CREB3L2: variants seen among roughly 807,000 people sequenced by gnomAD.
CREB3L2 encodes cAMP responsive element binding protein 3 like 2.
A neutral mutation model predicts 57.2 loss-of-function variants in CREB3L2; 23 were observed. The observed-to-expected ratio is 0.40, with a 90% CI of 0.29 to 0.57. CREB3L2 has a LOEUF of 0.57. Among genes scored for constraint, CREB3L2 ranks in the 20% least tolerant of loss-of-function variants. The probability of loss-of-function intolerance (pLI) is 0.42; values close to 1 mark genes in which losing one functional copy is unlikely to be tolerated. For synonymous variants in CREB3L2, 268 were observed against 265.1 expected (o/e 1.01, Z -0.11); for missense variants, 628 against 634.7 (o/e 0.99, Z 0.11).
intron 1 of CREB3L2, among the ~76,000 whole-genome samples, chr7:137,990,485 A>G (rs1238117016): frequency 2.0e-5 from 3 of 152,222 alleles, no homozygotes; most frequent in Non-Finnish European, 2.9e-5. Flanking sequence ...GGAAAGCCAC[A>G]GGTCAAGAAT....
At chr7:137,943,172 A>G (rs1800906216) in intron 1 of CREB3L2, among the ~76,000 whole-genome samples, 1 of 152,186 alleles carries the variant, frequency 6.6e-6, no homozygotes, top group Non-Finnish European at 1.5e-5. Context: ...GGGACCAGGC[A>G]GTCTCCCAGG....
chr7:137,885,280 A>T, intron 9 of CREB3L2, 123 bp downstream of exon 9: 1 of 1,163,242 alleles, frequency 8.6e-7, no homozygotes, highest in African/African-American at 1.5e-5. Context: ...GAACAGCCTC[A>T]GAGTGGAGTT....
chr7:137,973,024 G>C (rs967074868), intron 1 of CREB3L2, among the ~76,000 whole-genome samples: 2 of 151,506 alleles, frequency 1.3e-5, no homozygotes, highest in Non-Finnish European at 1.5e-5. Context: ...ATTTACACAT[G>C]AGAGAACACA....
intron 1 of CREB3L2, among the ~76,000 whole-genome samples, chr7:137,975,729 A>T (rs1801595779): frequency 6.6e-6 from 1 of 152,258 alleles, no homozygotes; most frequent in African/African-American, 2.4e-5. Context: ...TAAATTTAAA[A>T]ATTAAAAAAG....
chr7:137,961,550 G>A (rs991932032), intron 1 of CREB3L2, among the ~76,000 whole-genome samples: 9 of 152,152 alleles, frequency 5.9e-5, no homozygotes, highest in South Asian at 2.1e-4. Flanking sequence ...GACAGAATGC[G>A]TCTTCTGTGG....
intron 1 of CREB3L2, among the ~76,000 whole-genome samples, chr7:137,976,938 G>A (rs531681229): frequency 2.4e-4 from 37 of 152,262 alleles, no homozygotes; most frequent in South Asian, 2.3e-3. Flanking sequence ...CTTCTTGCAC[G>A]TACACACCCA....
chr7:137,995,609 A>G (rs1486372451), intron 1 of CREB3L2, among the ~76,000 whole-genome samples: 1 of 152,148 alleles, frequency 6.6e-6, no homozygotes, highest in Non-Finnish European at 1.5e-5. Context: ...CTGGGATTAC[A>G]GGCGTCAGCC....
chr7:137,972,997 A>C (rs1020369298), intron 1 of CREB3L2, among the ~76,000 whole-genome samples: 39 of 151,490 alleles, frequency 2.6e-4, no homozygotes, highest in African/African-American at 9.4e-4. Flanking sequence ...AAGAAGCTTC[A>C]GGGCCTCTAT....
intron 1 of CREB3L2, among the ~76,000 whole-genome samples, chr7:137,972,701 A>T (rs1411610068): frequency 2.2e-5 from 1 of 45,282 alleles, no homozygotes; most frequent in Non-Finnish European, 3.8e-5. Flanking sequence ...AAAAAAAAAA[A>T]AAAAAAAAAA....
intron 1 of CREB3L2, among the ~76,000 whole-genome samples, chr7:137,970,451 G>A (rs187379295): frequency 2.5e-4 from 38 of 152,310 alleles, no homozygotes; most frequent in African/African-American, 8.4e-4. Context: ...AGAGAATGGG[G>A]TGACATTTCT....
At chr7:137,978,354 T>C (rs893770442) in intron 1 of CREB3L2, among the ~76,000 whole-genome samples, 1 of 152,178 alleles carries the variant, frequency 6.6e-6, no homozygotes, top group Non-Finnish European at 1.5e-5. Context: ...CTGAAAACAC[T>C]GGGTCCAAAT....
chr7:137,955,582 G>A (rs1417620921), intron 1 of CREB3L2, among the ~76,000 whole-genome samples: 4 of 151,978 alleles, frequency 2.6e-5, no homozygotes, highest in Admixed American at 6.6e-5. Context: ...AATTTAACAG[G>A]CACCCCTGAA....
Position 137,946,863 on chromosome 7 carries a change from G to GTT in CREB3L2, c.103-18499_103-18498dup, listed in dbSNP as rs1491501686. Among the ~76,000 whole-genome samples, 4 of 46,266 alleles carry GTT rather than the reference G, an allele frequency of 8.6e-5. 2 individuals are homozygous for GTT. The highest frequency in any genetic ancestry group is 1.4e-4 in the Non-Finnish European group (4 of 27,638). 30.4% of individuals were successfully genotyped at this position (46,266 alleles called of 152,430 possible). On this transcript the variant is annotated intron_variant, in intron 1 of 11. Transcript: ENST00000330387. ...AGTTATCTATATAGTTATCTATATA[G>GTT]TTATATATATAGTTATCTATATAGT...
intron 1 of CREB3L2, among the ~76,000 whole-genome samples, chr7:137,947,240 A>G (rs1238131097): frequency 1.3e-5 from 2 of 151,646 alleles, no homozygotes; most frequent in Non-Finnish European, 2.9e-5. Flanking sequence ...CAGAATCACG[A>G]GACATACATT....
Position 137,914,406 on chromosome 7 carries a change from C to T in CREB3L2, c.496-1328G>A, listed in dbSNP as rs150069913. On this transcript the variant is annotated intron_variant, in intron 3 of 11. Transcript: ENST00000330387. ...CAACACTTTGGGACGCTGAGGTGGG[C>T]GGGTCACTTGAGGTCAGGAGTTCGA... Among the ~76,000 whole-genome samples the T allele has an allele frequency of 3.0e-3, 453 of 152,064 alleles. 4 individuals are homozygous for T. The highest frequency in any genetic ancestry group is 0.01 in the African/African-American group (419 of 41,498).
intron 2 of CREB3L2, among the ~76,000 whole-genome samples, chr7:137,918,889 G>C (rs886511238): frequency 4.6e-5 from 7 of 152,246 alleles, no homozygotes; most frequent in Admixed American, 2.6e-4. Context: ...GTGTCCTATA[G>C]CCCTCTTTAC....
chr7:137,930,385 G>C (rs1303792507), intron 1 of CREB3L2, among the ~76,000 whole-genome samples: 1 of 152,210 alleles, frequency 6.6e-6, no homozygotes, highest in Non-Finnish European at 1.5e-5. Flanking sequence ...AATGAGGCTT[G>C]GGGTAAGCAA....
chr7:137,977,872 G>T (rs1272291783), intron 1 of CREB3L2, among the ~76,000 whole-genome samples: 5 of 149,404 alleles, frequency 3.3e-5, no homozygotes, highest in Admixed American at 2.7e-4. Flanking sequence ...AGTGAACCGA[G>T]ATCATGCCAC....
chr7:137,921,599 G>A (rs1800277809), intron 2 of CREB3L2, among the ~76,000 whole-genome samples: 1 of 152,090 alleles, frequency 6.6e-6, no homozygotes, highest in South Asian at 2.1e-4. Flanking sequence ...CGCATTGAAT[G>A]GATACTGATT....
Sources: gnomAD v4.1 joint callset for allele counts (sites outside exome capture counted in the v4.1 genomes callset) on GRCh38, gnomAD v4.1.1 for gene constraint, MANE v1.5 for transcripts, NCBI Gene and HGNC (gene_info 2026-07-23, HGNC 2026-07-21) for gene names.